The following REDIC1 variants were observed in gnomAD, a reference collection of about 807,000 sequenced individuals.
REDIC1 encodes the protein HEI10 Interacting Protein 1.
the REDIC1 span, among the ~76,000 whole-genome samples, chr12:39,750,594 G>T: frequency 6.6e-6 from 1 of 152,128 alleles, no homozygotes; most frequent in African/African-American, 2.4e-5. Context: ...AAAAGAGCCC[G>T]CATTGCCAAG....
At chr12:39,660,527 A>G in the REDIC1 span, among the ~76,000 whole-genome samples, 3 of 152,110 alleles carry the variant, frequency 2.0e-5, no homozygotes, top group South Asian at 2.1e-4. Flanking sequence ...TTATTGATAC[A>G]TATTATTTAA....
At chr12:39,703,163 A>G in the REDIC1 span, among the ~76,000 whole-genome samples, 1 of 152,216 alleles carries the variant, frequency 6.6e-6, no homozygotes, top group African/African-American at 2.4e-5. Flanking sequence ...TGCAGATGAC[A>G]TGACTGCATA....
the REDIC1 span, among the ~76,000 whole-genome samples, chr12:39,873,403 C>T: frequency 1.3e-5 from 2 of 152,122 alleles, no homozygotes; most frequent in Non-Finnish European, 2.9e-5. Context: ...CCAAGTTCTA[C>T]CATATACATT....
chr12:39,853,438 G>C, the REDIC1 span, among the ~76,000 whole-genome samples: 1 of 151,654 alleles, frequency 6.6e-6, no homozygotes, highest in Non-Finnish European at 1.5e-5. Context: ...AAGCCTGGGA[G>C]AAAAAAAGGG....
the REDIC1 span, chr12:39,641,008 GT>G: frequency 1.2e-6 from 2 of 1,605,752 alleles, no homozygotes; most frequent in Non-Finnish European, 8.5e-7. Context: ...AAGAAAAAGT[GT>G]TTTTATTTTT....
chr12:39,844,166 T>C, the REDIC1 span, among the ~76,000 whole-genome samples: 1 of 152,094 alleles, frequency 6.6e-6, no homozygotes, highest in South Asian at 2.1e-4. Context: ...CTCCTTCCAA[T>C]ATAGTTAACT....
chr12:39,833,741 A>G, the REDIC1 span, among the ~76,000 whole-genome samples: 2 of 151,844 alleles, frequency 1.3e-5, no homozygotes, highest in African/African-American at 4.8e-5. Flanking sequence ...AACACCCACA[A>G]TTCTCTTCAA....
the REDIC1 span, among the ~76,000 whole-genome samples, chr12:39,809,680 T>C: frequency 8.2e-4 from 124 of 152,138 alleles, no homozygotes; most frequent in African/African-American, 2.8e-3. Context: ...CAACAGTCTC[T>C]GGTGTGTGAT....
At chr12:39,765,973 C>T in the REDIC1 span, among the ~76,000 whole-genome samples, 1 of 152,070 alleles carries the variant, frequency 6.6e-6, no homozygotes, top group Non-Finnish European at 1.5e-5. Context: ...TGAAAACACG[C>T]AGTGTGTGGT....
chr12:39,671,700 G>A, the REDIC1 span, among the ~76,000 whole-genome samples: 8 of 152,192 alleles, frequency 5.3e-5, no homozygotes, highest in South Asian at 1.0e-3. Flanking sequence ...TAGTCCCTAG[G>A]CCCCTGGGTG....
chr12:39,904,447 CAGT>C, the REDIC1 span, among the ~76,000 whole-genome samples: 1 of 152,134 alleles, frequency 6.6e-6, no homozygotes. Context: ...TTTCTAAGGA[CAGT>C]AGTCCCAGGC....
the REDIC1 span, among the ~76,000 whole-genome samples, chr12:39,744,206 A>G: frequency 6.6e-6 from 1 of 152,226 alleles, no homozygotes; most frequent in Non-Finnish European, 1.5e-5. Flanking sequence ...AAATCCAACA[A>G]TCTAAAATTC....
the REDIC1 span, among the ~76,000 whole-genome samples, chr12:39,896,320 GTA>G: frequency 0.076 from 6,636 of 87,818 alleles, 784 homozygotes; most frequent in East Asian, 0.34. Context: ...ATATATGTAT[GTA>G]TATGTGTATA....
chr12:39,703,264 A>G, the REDIC1 span, among the ~76,000 whole-genome samples: 1 of 150,852 alleles, frequency 6.6e-6, no homozygotes, highest in Non-Finnish European at 1.5e-5. Flanking sequence ...ATGTACAAAA[A>G]TCACAAGCAT....
chr12:39,786,125 C>A, the REDIC1 span, among the ~76,000 whole-genome samples: 1,670 of 152,104 alleles, frequency 0.011, 25 homozygotes, highest in African/African-American at 0.037. Context: ...GGGCCAGGGG[C>A]GGAATGATGT....
At chr12:39,638,506 C>G in the REDIC1 span, among the ~76,000 whole-genome samples, 1 of 151,984 alleles carries the variant, frequency 6.6e-6, no homozygotes. Context: ...GTTTGGCTAT[C>G]CATTTTTCTT....
chr12:39,896,414 A>T, the REDIC1 span, among the ~76,000 whole-genome samples: 364 of 118,054 alleles, frequency 3.1e-3, 2 homozygotes, highest in African/African-American at 0.015. Context: ...ACATATATGT[A>T]TGTATATGTG....
At chr12:39,746,379 A>C in the REDIC1 span, among the ~76,000 whole-genome samples, 1 of 152,020 alleles carries the variant, frequency 6.6e-6, no homozygotes, top group East Asian at 1.9e-4. Flanking sequence ...AGGCTGGGGG[A>C]GGGGTGCCCA....
At chr12:39,889,825 T>C in the REDIC1 span, among the ~76,000 whole-genome samples, 1 of 152,154 alleles carries the variant, frequency 6.6e-6, no homozygotes, top group South Asian at 2.1e-4. Flanking sequence ...CCACCAGGCC[T>C]GGCCATAAAC....
Sources: gnomAD v4.1 joint callset for allele counts (sites outside exome capture counted in the v4.1 genomes callset) on GRCh38, gnomAD v4.1.1 for gene constraint, MANE v1.5 for transcripts, NCBI Gene and HGNC (gene_info 2026-07-23, HGNC 2026-07-21) for gene names.